The following POU2F2 variants were observed in gnomAD, a reference collection of about 807,000 sequenced individuals.
POU2F2 encodes POU class 2 homeobox 2.
In POU2F2, 14 loss-of-function variants were observed where a neutral mutation model predicts 63.5. The observed-to-expected ratio is 0.22, with a 90% CI of 0.15 to 0.34. The LOEUF (loss-of-function observed/expected upper bound fraction) is 0.34, where lower values mean the gene tolerates loss of function less well. Ranked by LOEUF, POU2F2 falls within the 10% of genes least tolerant of loss-of-function variation. POU2F2 has a pLI of 1.00. For synonymous variants in POU2F2, 306 were observed against 348.6 expected (o/e 0.88, Z 1.36); for missense variants, 607 against 815.2 (o/e 0.74, Z 3.11).
chr19:42,150,559 C>T (rs1389890072), intron 2 of POU2F2, among the ~76,000 whole-genome samples: 4 of 148,352 alleles, frequency 2.7e-5, no homozygotes, highest in Admixed American at 6.7e-5. Context: ...TGGAGGGGGC[C>T]GGCAGGGGGG....
rs555035973 is a variant in POU2F2 at position 42,155,543 on chromosome 19, G to A, written c.-9+4789C>T. ...CCAGCTACATAGGAGACTGAGGCAG[G>A]AGGATTGCTTGAAAGTTTGAGAAAA... On this transcript the variant is annotated intron_variant, in intron 2 of 6. Transcript: ENST00000524801. This position sits in a 1 kb window ranked among gnomAD's most constrained non-coding sequence, Gnocchi z 4.2. 1.6e-4 allele frequency among the ~76,000 whole-genome samples: 24 copies of A among 152,344 alleles called. No individual in the cohort carries two copies. Among genetic ancestry groups the A allele is most frequent in the African/African-American group, 5.3e-4 (22 of 41,570 alleles).
intron 1 of POU2F2, among the ~76,000 whole-genome samples, chr19:42,168,230 G>A (rs1194277365): frequency 6.6e-6 from 1 of 152,122 alleles, no homozygotes; most frequent in Admixed American, 6.5e-5. Flanking sequence ...CCTTCCTCCA[G>A]GGGCTACCCA....
Position 42,088,354 on chromosome 19 carries a change from A to C in POU2F2, c.*2903T>G, listed in dbSNP as rs895820017. On this transcript the variant is annotated 3_prime_UTR_variant, in exon 15 of 15. Transcript: ENST00000692977. ...GGGGTCCCTCCACCAACATCAGGGC[A>C]TCTGCCCCATCCCTGCCCCCTGCTC... is the stretch of plus-strand genomic sequence containing the variant. 2 of 152,068 alleles carry C rather than the reference A, an allele frequency of 1.3e-5. No individual in the cohort carries two copies. Among genetic ancestry groups the C allele is most frequent in the Non-Finnish European group, 1.5e-5 (1 of 68,018 alleles). The allele number at this position is 152,068 out of a possible 1,614,324, so 9.4% of individuals were successfully genotyped here.
chr19:42,186,700 T>C (rs2035016241), intron 1 of POU2F2, among the ~76,000 whole-genome samples: 1 of 151,990 alleles, frequency 6.6e-6, no homozygotes, highest in African/African-American at 2.4e-5. Context: ...AGTATTGACA[T>C]TGGTATCAGG....
intron 1 of POU2F2, among the ~76,000 whole-genome samples, chr19:42,129,513 G>A (rs2033510514): frequency 6.6e-6 from 1 of 152,104 alleles, no homozygotes; most frequent in Non-Finnish European, 1.5e-5. Context: ...AGCAGACTTA[G>A]GCCAGCTTCT....
chr19:42,168,703 G>A (rs532548179), intron 1 of POU2F2, among the ~76,000 whole-genome samples: 13 of 152,286 alleles, frequency 8.5e-5, no homozygotes, highest in East Asian at 3.9e-4. Flanking sequence ...GGAAAAGTGC[G>A]GCATAGTGGG....
chr19:42,182,793 G>C (rs536682951), intron 1 of POU2F2, among the ~76,000 whole-genome samples: 3 of 152,244 alleles, frequency 2.0e-5, no homozygotes, highest in South Asian at 2.1e-4. Context: ...AAGTGGGTAG[G>C]GTCCTGGGAC....
At chr19:42,109,313 T>C (rs2030685994) in intron 5 of POU2F2, among the ~76,000 whole-genome samples, 1 of 152,218 alleles carries the variant, frequency 6.6e-6, no homozygotes, top group Admixed American at 6.5e-5. Flanking sequence ...GCAGCCACCA[T>C]GACTGGAATG....
intron 1 of POU2F2, among the ~76,000 whole-genome samples, chr19:42,126,525 A>C (rs1410912803): frequency 6.6e-6 from 1 of 152,034 alleles, no homozygotes; most frequent in African/African-American, 2.4e-5. Flanking sequence ...CCAGGAGAAG[A>C]CCAGTGGACC....
At chr19:42,106,787 A>AGAGGAGGAGGAGGAGGAAGAGGAG (rs2030108611) in intron 5 of POU2F2, among the ~76,000 whole-genome samples, 1 of 133,688 alleles carries the variant, frequency 7.5e-6, no homozygotes, top group Non-Finnish European at 1.6e-5. Flanking sequence ...AGAAGGAGGA[A>AGAGGAGGAGGAGGAGGAAGAGGAG]GAGGAGGAGG....
chr19:42,111,918 T>C (rs2031165845), intron 5 of POU2F2, among the ~76,000 whole-genome samples: 2 of 152,222 alleles, frequency 1.3e-5, no homozygotes, highest in South Asian at 4.1e-4. Context: ...GTGTGGGTTC[T>C]TCTCTGGACC....
rs1474429997 is a variant in POU2F2 at position 42,152,905 on chromosome 19, A to G, written c.-9+7427T>C. Among the ~76,000 whole-genome samples the G allele has an allele frequency of 2.0e-5, 3 of 152,150 alleles. No homozygotes were observed. Among genetic ancestry groups the G allele is most frequent in the Admixed American group, 1.3e-4 (2 of 15,280 alleles). On this transcript the variant is annotated intron_variant, in intron 2 of 6. Coordinates refer to the POU2F2 transcript ENST00000524801. The surrounding 1 kb of genome is among the most constrained non-coding windows in gnomAD (Gnocchi z 4.1). ...GTGGGCAGGGGGCACCTGTGGGTTC[A>G]GAGAGACACTGTCCTGAGCCCATGA...
At chr19:42,101,500 A>G (rs768860766) in intron 5 of POU2F2, among the ~76,000 whole-genome samples, 8 of 152,182 alleles carry the variant, frequency 5.3e-5, no homozygotes, top group Non-Finnish European at 8.8e-5. Context: ...CAAGCCAAGG[A>G]GAGAGGCCTG....
At chr19:42,164,855 G>A (rs1467635566) in intron 1 of POU2F2, among the ~76,000 whole-genome samples, 3 of 151,574 alleles carry the variant, frequency 2.0e-5, no homozygotes, top group African/African-American at 4.8e-5. Context: ...TCAGCTACTC[G>A]GGAGGCTGAG....
At position 42,091,564 on chromosome 19, in the gene POU2F2, A is replaced by T; in HGVS notation, c.1568T>A (p.Leu523His). 1 of 1,553,590 alleles carries T rather than the reference A, an allele frequency of 6.4e-7. No individual in the cohort carries two copies. Among genetic ancestry groups the T allele is most frequent in the Non-Finnish European group, 8.7e-7 (1 of 1,147,804 alleles). ...ATTCCCGCTGCCATCAAGGCTGGTA[A>T]GGGGCAGGGTTCCACCAGAGGCCAG... ...QALASGGTLPLTSLDGSGNLV... is the reference protein window; with the variant it reads ...QALASGGTLPHTSLDGSGNLV... The change falls in exon 15 of 15, where the codon CTT becomes CAT. Residue 523 changes from leucine to histidine, a missense_variant. Leu to His is a moderately conservative substitution (Grantham distance 99, BLOSUM62 -3). Around this residue, in one of 7 missense-constraint regions of POU2F2, gnomAD observed 270 missense variants for 307.5 expected, o/e 0.88. Transcript: ENST00000692977.
chr19:42,197,714 C>G (rs892243778), upstream of POU2F2, among the ~76,000 whole-genome samples: 4 of 152,168 alleles, frequency 2.6e-5, no homozygotes, highest in Non-Finnish European at 4.4e-5. Context: ...TCAGAAAGAA[C>G]AGAGATCCAG....
chr19:42,167,449 GT>G (rs1318558024), intron 1 of POU2F2, among the ~76,000 whole-genome samples: 5 of 149,658 alleles, frequency 3.3e-5, no homozygotes, highest in African/African-American at 1.2e-4. Context: ...GCAACACTCT[GT>G]CCCCCCAAAC....
rs947757171 is a variant in POU2F2, at chr19:42,169,693, T to A, written c.-70+6270A>T. ...TGTATTTCAGTATTTGCCTTGTGCA[T>A]CCGTTCAAGACTTACGTGGCCTCTC... On this transcript the variant is annotated intron_variant, in intron 1 of 6. Transcript: ENST00000524801. This position sits in a 1 kb window ranked among gnomAD's most constrained non-coding sequence, Gnocchi z 4.3. Among the ~76,000 whole-genome samples the A allele has an allele frequency of 2.0e-5, 3 of 152,168 alleles. No homozygotes were observed. Among genetic ancestry groups the A allele is most frequent in the Non-Finnish European group, 4.4e-5 (3 of 68,022 alleles).
At chr19:42,182,242 A>AGAGAG in intron 1 of POU2F2, among the ~76,000 whole-genome samples, 1 of 125,996 alleles carries the variant, frequency 7.9e-6, no homozygotes, top group East Asian at 2.3e-4. Flanking sequence ...TCTGTCTCAA[A>AGAGAG]AGAGAGAGAG....
Sources: allele counts gnomAD v4.1 joint callset (sites outside exome capture counted in the v4.1 genomes callset), GRCh38; gene constraint gnomAD v4.1.1; regional missense constraint gnomAD v4.1.1; non-coding constraint Gnocchi (gnomAD v3.1); transcripts MANE v1.5; gene names NCBI Gene and HGNC (gene_info 2026-07-23, HGNC 2026-07-21).